GLRX3: variants seen among roughly 807,000 people sequenced by gnomAD.
GLRX3 encodes glutaredoxin-3.
Under a neutral mutation model 49.5 loss-of-function variants are expected in GLRX3, and 22 were observed. The ratio of observed to expected loss-of-function variants is 0.44; its 90% confidence interval spans 0.32 to 0.63. The LOEUF (loss-of-function observed/expected upper bound fraction) is 0.63. Among genes scored for constraint, GLRX3 ranks in the 30% least tolerant of loss-of-function variants. GLRX3 has a pLI of 0.05. For synonymous variants in GLRX3, 133 were observed against 140.0 expected (o/e 0.95, Z 0.35); for missense variants, 385 against 396.3 (o/e 0.97, Z 0.24).
At position 130,158,524 on chromosome 10, in the gene GLRX3, G is replaced by C. The variant is rs1026419529; in HGVS notation, c.202-1471G>C. On this transcript the variant is annotated intron_variant, in intron 2 of 10. Transcript: ENST00000331244. ...TGTATTACTTGTTGGTTAGAATTCAGTAGTACTGAAGGAAGGGCCCTTTTG... is the reference window on the plus strand; with the variant it reads ...TGTATTACTTGTTGGTTAGAATTCACTAGTACTGAAGGAAGGGCCCTTTTG... 2.8e-4 allele frequency among the ~76,000 whole-genome samples: 42 copies of C among 152,160 alleles called. 1 individual carries two copies. The highest frequency in any genetic ancestry group is 9.9e-4 in the African/African-American group (41 of 41,436).
intron 7 of GLRX3, among the ~76,000 whole-genome samples, chr10:130,171,154 TAAAAAG>T (rs1015789449): frequency 1.3e-5 from 2 of 150,440 alleles, no homozygotes; most frequent in African/African-American, 2.5e-5. Context: ...ATAAATAAAA[TAAAAAG>T]AAAAATGGGA....
At chr10:130,137,145 C>T (rs1862072608) in intron 1 of GLRX3, among the ~76,000 whole-genome samples, 2 of 152,234 alleles carry the variant, frequency 1.3e-5, no homozygotes, top group African/African-American at 4.8e-5. Context: ...CAGACTTAAC[C>T]TGTTGCCGGA....
intron 6 of GLRX3, 29 bp from the exon 7 acceptor site, chr10:130,169,404 G>A (rs1240802116): frequency 1.3e-6 from 2 of 1,489,166 alleles, no homozygotes; most frequent in Non-Finnish European, 1.9e-6. Context: ...ATTGAGCTGA[G>A]CCGTTTTATA....
In GLRX3 at chr10:130,164,744, AAC is replaced by A. The variant is rs1287792349; in HGVS notation, c.479-1760_479-1759del. Among the ~76,000 whole-genome samples, 10 of 152,370 alleles carry A rather than the reference AAC, an allele frequency of 6.6e-5. No individual in the cohort carries two copies. The East Asian group carries it at 1.9e-3, about 29-fold the overall frequency. The stretch of plus-strand genomic sequence containing the variant: ...CTGCCACTTTAACTCTTAAAAATGA[AAC>A]ACTACCAATCAATCTTTCTAGTCTG... On this transcript the variant is annotated intron_variant, in intron 4 of 10. Transcript: ENST00000331244.
chr10:130,172,608 T>C (rs1699412879), intron 8 of GLRX3, among the ~76,000 whole-genome samples: 1 of 152,178 alleles, frequency 6.6e-6, no homozygotes, highest in Non-Finnish European at 1.5e-5. Flanking sequence ...CTATTGAAAA[T>C]AGTTAAATAG....
At chr10:130,162,798 C>A (rs1169221210) in intron 4 of GLRX3, among the ~76,000 whole-genome samples, 9 of 152,150 alleles carry the variant, frequency 5.9e-5, no homozygotes, top group Admixed American at 5.9e-4. Flanking sequence ...GCCAGGCGAG[C>A]CTCAGGCCCA....
chr10:130,152,024 A>G (rs868834037), intron 2 of GLRX3, among the ~76,000 whole-genome samples: 1 of 145,108 alleles, frequency 6.9e-6, no homozygotes, highest in African/African-American at 2.5e-5. Context: ...TTGTGTGTGA[A>G]TTTTTTTTTT....
At chr10:130,145,155 TTGTG>T (rs1354987571) in intron 1 of GLRX3, 52 bp from the exon 2 acceptor site, 3 of 697,566 alleles carry the variant, frequency 4.3e-6, no homozygotes, top group African/African-American at 3.6e-5. Context: ...ATATCAGTAT[TTGTG>T]TATTTCCAAA....
At chr10:130,161,055 A>G (rs1862568259) in intron 4 of GLRX3, 58 bp downstream of exon 4, 4 of 1,126,844 alleles carry the variant, frequency 3.5e-6, no homozygotes. Flanking sequence ...AGAATGGGGT[A>G]TGGTTGAGAT....
In GLRX3 at chr10:130,136,428, C is replaced by T. The variant is rs982664516; in HGVS notation, c.8C>T (p.Ala3Val). The change falls in exon 1 of 11, where the codon GCG becomes GTG. Residue 3 changes from alanine (A) to valine (V), a missense_variant. Ala to Val is a moderately conservative substitution (Grantham distance 64). This residue lies in a region of GLRX3 where 374 missense variants were observed against 358.6 expected (regional missense o/e 1.04). Coordinates refer to ENST00000331244, the MANE Select transcript of GLRX3 (RefSeq NM_006541.5). MA[A>V]GAAEAAVAAV... ...CTGTCTGGCGGCGGCAGCATGGCGG[C>T]GGGGGCGGCTGAGGCAGCTGTAGCG... The T allele has an allele frequency of 4.0e-6, 5 of 1,254,526 alleles. No homozygotes were observed. The highest frequency in any genetic ancestry group is 5.0e-6 in the Non-Finnish European group (5 of 993,364). 77.7% of individuals were successfully genotyped at this position (1,254,526 alleles called of 1,614,324 possible).
At chr10:130,152,154 G>GC (rs1862388953) in intron 2 of GLRX3, among the ~76,000 whole-genome samples, 1 of 152,070 alleles carries the variant, frequency 6.6e-6, no homozygotes, top group African/African-American at 2.4e-5. Context: ...GAGTAGCTGG[G>GC]ATTACAGGCA....
At position 130,155,827 on chromosome 10, in the gene GLRX3, G is replaced by A. The variant is rs866255756; in HGVS notation, c.202-4168G>A. Among the ~76,000 whole-genome samples the A allele has an allele frequency of 1.6e-4, 25 of 152,300 alleles. No homozygotes were observed. The Middle Eastern group carries it at 0.01, about 62-fold the overall frequency. ...CTCAGAACCAAGGCTGGCACATGCC[G>A]GTGTTCAGGGGCTGCCAGAGATGAC... On this transcript the variant is annotated intron_variant, in intron 2 of 10. Coordinates refer to ENST00000331244, the MANE Select transcript of GLRX3 (RefSeq NM_006541.5).
intron 7 of GLRX3, 151 bp downstream of exon 7, chr10:130,169,641 C>A (rs1298613323): frequency 3.3e-6 from 2 of 609,864 alleles, no homozygotes; most frequent in East Asian, 5.6e-5. Flanking sequence ...TTACGGAGAT[C>A]AAACAAAGTA....
intron 2 of GLRX3, among the ~76,000 whole-genome samples, chr10:130,153,775 C>A (rs1862424888): frequency 6.6e-6 from 1 of 152,140 alleles, no homozygotes; most frequent in African/African-American, 2.4e-5. Flanking sequence ...CTTGAGGAGG[C>A]AGTTTGTCTG....
chr10:130,178,979 C>T (rs1310353013), intron 10 of GLRX3, among the ~76,000 whole-genome samples: 1 of 151,980 alleles, frequency 6.6e-6, no homozygotes, highest in African/African-American at 2.4e-5. Flanking sequence ...GCTGGGATTA[C>T]AGGCATGAGC....
chr10:130,140,536 A>G (rs998351007), intron 1 of GLRX3, among the ~76,000 whole-genome samples: 20 of 152,276 alleles, frequency 1.3e-4, no homozygotes, highest in Admixed American at 6.5e-5. Flanking sequence ...CAAATGTTTT[A>G]TATTTTTGTT....
At chr10:130,174,056 C>T (rs1026412811) in intron 8 of GLRX3, among the ~76,000 whole-genome samples, 3 of 152,228 alleles carry the variant, frequency 2.0e-5, no homozygotes, top group African/African-American at 7.2e-5. Flanking sequence ...ACGGTGAAAT[C>T]GCTCTGAGTG....
Position 130,166,500 on chromosome 10 carries a change from T to G in GLRX3, c.479-7T>G, listed in dbSNP as rs770329492. 6.8e-6 allele frequency: 11 copies of G among 1,608,718 alleles called. No homozygotes were observed. The highest frequency in any genetic ancestry group is 9.4e-6 in the Non-Finnish European group (11 of 1,175,632). On this transcript the variant is annotated splice_polypyrimidine_tract_variant and splice_region_variant and intron_variant, in intron 4 of 10. Coordinates refer to ENST00000331244, the MANE Select transcript of GLRX3 (RefSeq NM_006541.5). ...GTTAAGTGCTTTATTTCTTTTTTTGTGTACAGGTTTCAGCAAGCAGATGGT... is the reference window on the plus strand; with the variant it reads ...GTTAAGTGCTTTATTTCTTTTTTTGGGTACAGGTTTCAGCAAGCAGATGGT...
intron 6 of GLRX3, 141 bp downstream of exon 6, chr10:130,167,121 G>A: frequency 2.0e-6 from 1 of 509,602 alleles, no homozygotes; most frequent in Non-Finnish European, 3.4e-6. Flanking sequence ...AGTCACATTA[G>A]CCATTCAAAC....
Sources: allele counts gnomAD v4.1 joint callset (sites outside exome capture counted in the v4.1 genomes callset), GRCh38; gene constraint gnomAD v4.1.1; regional missense constraint gnomAD v4.1.1; transcripts MANE v1.5; gene names NCBI Gene and HGNC (gene_info 2026-07-23, HGNC 2026-07-21).